Variants in EXD3 observed in about 807,000 individuals in gnomAD.
The protein encoded by EXD3 is exonuclease 3'-5' domain containing 3, also known as exonuclease mut-7 homolog.
EXD3 carries 92 observed loss-of-function variants against 98.0 expected under a neutral mutation model. That is an observed-to-expected ratio of 0.94 (90% CI 0.79 to 1.12). The LOEUF (loss-of-function observed/expected upper bound fraction) is 1.12. EXD3 is among the 50% of genes most tolerant of loss of function. The pLI is 0.00. For synonymous variants in EXD3, 569 were observed against 526.0 expected (o/e 1.08, Z -1.12); for missense variants, 1,222 against 1,191.6 (o/e 1.03, Z -0.38).
intron 1 of EXD3, among the ~76,000 whole-genome samples, chr9:137,415,201 T>G (rs1295562834): frequency 7.5e-6 from 1 of 133,144 alleles, no homozygotes; most frequent in African/African-American, 3.2e-5. Flanking sequence ...CACAGGTTTG[T>G]TTTTTTTTTT....
Position 137,356,359 on chromosome 9 carries a change from A to G in EXD3, c.666T>C (p.Pro222=). The G allele has an allele frequency of 6.3e-7, 1 of 1,598,822 alleles. No homozygotes were observed. Among genetic ancestry groups the G allele is most frequent in the African/African-American group, 1.3e-5 (1 of 74,730 alleles). The change falls in exon 8 of 22, where the codon CCT becomes CCC. Residue 222 remains proline, a synonymous_variant. Transcript: ENST00000340951. ...TCTCCAGGCTCAAGGAGGTCACCTC[A>G]GGGTACCGTCTGTGGGGAGAGAGAG... is the stretch of plus-strand genomic sequence containing the variant. ...FDIKDVARRY[P]EVTSLSLEKL...
At chr9:137,383,769 T>C (rs957388984) in intron 2 of EXD3, among the ~76,000 whole-genome samples, 2 of 152,208 alleles carry the variant, frequency 1.3e-5, no homozygotes, top group Admixed American at 6.5e-5. Context: ...ACCGCAGTCC[T>C]GGCACCACGA....
chr9:137,355,443 G>C (rs1371536434), intron 8 of EXD3, among the ~76,000 whole-genome samples: 2 of 15,946 alleles, frequency 1.3e-4, no homozygotes, highest in Non-Finnish European at 3.5e-4. Flanking sequence ...GATGGAGGAA[G>C]GGAGGATGGA....
chr9:137,346,784 C>A (rs985022837), intron 17 of EXD3, among the ~76,000 whole-genome samples: 1 of 152,142 alleles, frequency 6.6e-6, no homozygotes, highest in Admixed American at 6.6e-5. Context: ...GTTACACCAG[C>A]ACCCCACTCC....
intron 17 of EXD3, among the ~76,000 whole-genome samples, chr9:137,340,099 C>T (rs139202975): frequency 1.1e-4 from 16 of 152,220 alleles, no homozygotes; most frequent in East Asian, 7.7e-4. Context: ...AAAACCCACA[C>T]GATTTATAAA....
In EXD3 at chr9:137,324,213, G is replaced by T; in HGVS notation, c.1999-70C>A. 7.4e-7 allele frequency: 1 copy of T among 1,347,846 alleles called. No individual in the cohort carries two copies. The highest frequency in any genetic ancestry group is 1.0e-6 in the Non-Finnish European group (1 of 967,678). The allele number at this position is 1,347,846 out of a possible 1,614,324, so 83.5% of individuals were successfully genotyped here. On this transcript the variant is annotated intron_variant, in intron 17 of 21. Coordinates refer to ENST00000340951, the MANE Select transcript of EXD3 (RefSeq NM_017820.5). This position sits in a 1 kb window ranked among gnomAD's most constrained non-coding sequence, Gnocchi z 4.1. ...CTCCTGGACTGGGCCACCTCTGCTC[G>T]CCACCCCCTAGCTCCCCGGATCGTG...
intron 17 of EXD3, among the ~76,000 whole-genome samples, chr9:137,343,852 T>G (rs1833780236): frequency 6.8e-6 from 1 of 146,492 alleles, no homozygotes; most frequent in Non-Finnish European, 1.5e-5. Context: ...CCTCCCAAAG[T>G]GCTGGGATTA....
intron 1 of EXD3, among the ~76,000 whole-genome samples, chr9:137,410,349 G>C (rs1837933487): frequency 6.6e-6 from 1 of 151,996 alleles, no homozygotes; most frequent in Admixed American, 6.6e-5. Flanking sequence ...GCCAGGCGCG[G>C]TGGTGGGTGC....
At chr9:137,328,023 T>A (rs1832558811) in intron 17 of EXD3, among the ~76,000 whole-genome samples, 1 of 152,104 alleles carries the variant, frequency 6.6e-6, no homozygotes, top group South Asian at 2.1e-4. Context: ...TACTCCCATA[T>A]GATGAGTAAA....
intron 1 of EXD3, among the ~76,000 whole-genome samples, chr9:137,421,281 C>A (rs907603102): frequency 1.3e-5 from 2 of 152,172 alleles, no homozygotes; most frequent in African/African-American, 4.8e-5. Context: ...AAGTTCCAGC[C>A]AGTTTAGAAA....
At chr9:137,420,738 C>CCG (rs1030943483) in intron 1 of EXD3, among the ~76,000 whole-genome samples, 9 of 50,850 alleles carry the variant, frequency 1.8e-4, no homozygotes, top group African/African-American at 5.3e-4. Context: ...CAGACATTCA[C>CCG]CCCCCCCCCC....
chr9:137,414,874 T>C (rs1476175529), intron 1 of EXD3, among the ~76,000 whole-genome samples: 2 of 152,172 alleles, frequency 1.3e-5, no homozygotes, highest in Non-Finnish European at 2.9e-5. Context: ...TTTTATGTTT[T>C]TGAGATGGAG....
intron 8 of EXD3, among the ~76,000 whole-genome samples, chr9:137,355,414 G>A (rs1356543989): frequency 9.6e-5 from 2 of 20,788 alleles, no homozygotes; most frequent in Non-Finnish European, 2.4e-4. Flanking sequence ...CCCTGAGGCA[G>A]GGAGGAAGGA....
chr9:137,399,290 G>A (rs1837374582), intron 1 of EXD3, among the ~76,000 whole-genome samples: 1 of 152,204 alleles, frequency 6.6e-6, no homozygotes, highest in South Asian at 2.1e-4. Context: ...CGGACATGGT[G>A]TGGTCCCCTG....
chr9:137,390,119 C>CAAAA (rs34716316), intron 2 of EXD3, among the ~76,000 whole-genome samples: 438 of 23,378 alleles, frequency 0.019, 95 homozygotes, highest in African/African-American at 0.045. Context: ...GAGACTCTGT[C>CAAAA]AAAAAAAAAA....
intron 2 of EXD3, chr9:137,392,640 G>T (rs1046973317): frequency 1.8e-5 from 6 of 325,096 alleles, no homozygotes; most frequent in African/African-American, 8.6e-5. Flanking sequence ...GCACAGAAAG[G>T]ATGGGGGGAT....
intron 5 of EXD3, among the ~76,000 whole-genome samples, chr9:137,368,849 G>C (rs1019018343): frequency 6.6e-6 from 1 of 151,990 alleles, no homozygotes; most frequent in Non-Finnish European, 1.5e-5. Flanking sequence ...CGCAGGGCCC[G>C]GGGCGGGGGT....
intron 17 of EXD3, among the ~76,000 whole-genome samples, chr9:137,346,264 A>AAAAAAAAAT (rs1833925378): frequency 1.3e-5 from 2 of 149,826 alleles, no homozygotes; most frequent in Non-Finnish European, 3.0e-5. Context: ...AAAAAAAAAA[A>AAAAAAAAAT]AAATTCACTC....
At chr9:137,365,074 CTT>C (rs79982028) in intron 7 of EXD3, 20 of 142,462 alleles carry the variant, frequency 1.4e-4, no homozygotes, top group Non-Finnish European at 1.4e-4. Flanking sequence ...GGCCCTATGT[CTT>C]TTTTTTTTTT....
Sources: allele counts gnomAD v4.1 joint callset (sites outside exome capture counted in the v4.1 genomes callset), GRCh38; gene constraint gnomAD v4.1.1; non-coding constraint Gnocchi (gnomAD v3.1); transcripts MANE v1.5; gene names NCBI Gene and HGNC (gene_info 2026-07-23, HGNC 2026-07-21).